The following FBXL7 variants were observed in gnomAD, a reference collection of about 807,000 sequenced individuals.
FBXL7 encodes the protein F-box and leucine rich repeat protein 7, also known as F-box/LRR-repeat protein 7.
FBXL7 carries 12 observed loss-of-function variants against 38.3 expected under a neutral mutation model. That is an observed-to-expected ratio of 0.31 (90% CI 0.20 to 0.51). The LOEUF is 0.51. Ranked by LOEUF, FBXL7 falls within the 20% of genes least tolerant of loss-of-function variation. FBXL7 has a pLI of 0.98. For missense variants in FBXL7, 567 were observed against 676.4 expected, an observed-to-expected ratio of 0.84 and a Z score of 1.79; for synonymous variants, 297 against 300.9, an observed-to-expected ratio of 0.99 and a Z score of 0.13.
At chr5:15,728,095 A>G (rs1184544065) in intron 2 of FBXL7, among the ~76,000 whole-genome samples, 1 of 151,892 alleles carries the variant, frequency 6.6e-6, no homozygotes, top group African/African-American at 2.4e-5. Flanking sequence ...CTTTGTTGAC[A>G]TTTTCATTTT....
At chr5:15,711,214 G>A (rs1259413761) in intron 2 of FBXL7, among the ~76,000 whole-genome samples, 1 of 152,138 alleles carries the variant, frequency 6.6e-6, no homozygotes, top group Non-Finnish European at 1.5e-5. Flanking sequence ...CGTGAGAATG[G>A]ACTTATAACA....
chr5:15,936,398 G>C lies in FBXL7; in HGVS notation c.740-52G>C. 1.6e-5 allele frequency: 25 copies of C among 1,573,092 alleles called. No individual in the cohort carries two copies. The highest frequency in any genetic ancestry group is 2.2e-5 in the Non-Finnish European group (25 of 1,160,016). ...AATGCCCCAGGGCATCCCCAGGCGT[G>C]GCTCCCCTGCTGGCAGGTTGCTCTG... On this transcript the variant is annotated intron_variant, in intron 3 of 3. Transcript: ENST00000504595. The surrounding 1 kb of genome is among the most constrained non-coding windows in gnomAD (Gnocchi z 6.0).
intron 1 of FBXL7, among the ~76,000 whole-genome samples, chr5:15,522,168 T>G (rs1737114757): frequency 1.3e-5 from 2 of 152,158 alleles, no homozygotes; most frequent in Admixed American, 6.5e-5. Context: ...ATTACTATTT[T>G]ATTATTCTTC....
chr5:15,589,025 CTTG>C (rs1393899330), intron 1 of FBXL7, among the ~76,000 whole-genome samples: 5 of 152,084 alleles, frequency 3.3e-5, no homozygotes, highest in African/African-American at 4.8e-5. Flanking sequence ...CAGATGATTT[CTTG>C]TTGTTGTAAC....
chr5:15,584,891 A>G (rs371438088), intron 1 of FBXL7, among the ~76,000 whole-genome samples: 1 of 152,196 alleles, frequency 6.6e-6, no homozygotes, highest in Admixed American at 6.5e-5. Flanking sequence ...GTAAGCAGGC[A>G]TGTCTTACAT....
intron 2 of FBXL7, among the ~76,000 whole-genome samples, chr5:15,829,963 A>G (rs1386920801): frequency 6.6e-6 from 1 of 152,216 alleles, no homozygotes; most frequent in Non-Finnish European, 1.5e-5. Flanking sequence ...AATCATTTAC[A>G]TCTTGAGACG....
At chr5:15,544,124 C>A (rs1051780441) in intron 1 of FBXL7, among the ~76,000 whole-genome samples, 1 of 152,162 alleles carries the variant, frequency 6.6e-6, no homozygotes, top group Non-Finnish European at 1.5e-5. Context: ...GGACACATTG[C>A]CGATGGGGTA....
intron 2 of FBXL7, among the ~76,000 whole-genome samples, chr5:15,892,257 T>G (rs1392373734): frequency 6.6e-6 from 1 of 152,182 alleles, no homozygotes; most frequent in Non-Finnish European, 1.5e-5. Flanking sequence ...AGGGGGTCCC[T>G]GTGAGCAAGA....
chr5:15,869,850 C>A (rs1479057550), intron 2 of FBXL7, among the ~76,000 whole-genome samples: 1 of 152,118 alleles, frequency 6.6e-6, no homozygotes, highest in Non-Finnish European at 1.5e-5. Flanking sequence ...TGGCTCACAC[C>A]TGTAATCCCA....
At chr5:15,690,383 G>A (rs949460977) in intron 2 of FBXL7, among the ~76,000 whole-genome samples, 9 of 151,640 alleles carry the variant, frequency 5.9e-5, no homozygotes, top group Admixed American at 2.0e-4. Context: ...CAGTCCTGAC[G>A]AAATATTTTT....
intron 1 of FBXL7, among the ~76,000 whole-genome samples, chr5:15,608,200 A>T (rs1205860608): frequency 6.6e-6 from 1 of 152,186 alleles, no homozygotes; most frequent in African/African-American, 2.4e-5. Flanking sequence ...TTAATAACTC[A>T]TAGTGTGGGT....
At chr5:15,715,755 T>A (rs1744024760) in intron 2 of FBXL7, among the ~76,000 whole-genome samples, 1 of 152,180 alleles carries the variant, frequency 6.6e-6, no homozygotes. Context: ...TCATTTATTG[T>A]CTTAATTTGT....
intron 3 of FBXL7, chr5:15,935,161 A>G (rs1194734288): frequency 3.7e-6 from 2 of 534,728 alleles, no homozygotes; most frequent in Non-Finnish European, 7.7e-6. Flanking sequence ...GAGGTAAAAG[A>G]TGCCGTCAGA....
intron 2 of FBXL7, among the ~76,000 whole-genome samples, chr5:15,897,128 ATC>A (rs1238397698): frequency 6.6e-6 from 1 of 152,096 alleles, no homozygotes; most frequent in Non-Finnish European, 1.5e-5. Flanking sequence ...GTGAGACTCT[ATC>A]TCTCTCTATA....
intron 2 of FBXL7, among the ~76,000 whole-genome samples, chr5:15,705,537 C>T (rs1347150904): frequency 1.3e-5 from 2 of 152,100 alleles, no homozygotes; most frequent in East Asian, 3.9e-4. Flanking sequence ...AGAGCAGTAA[C>T]AGTTTGGGAT....
chr5:15,756,203 T>C (rs1437251323), intron 2 of FBXL7, among the ~76,000 whole-genome samples: 2 of 152,194 alleles, frequency 1.3e-5, no homozygotes, highest in African/African-American at 4.8e-5. Context: ...GTCTAGATGG[T>C]GTTTTCAAAT....
At chr5:15,619,348 TAGAG>T (rs1740551756) in intron 2 of FBXL7, among the ~76,000 whole-genome samples, 1 of 152,172 alleles carries the variant, frequency 6.6e-6, no homozygotes, top group Non-Finnish European at 1.5e-5. Context: ...TTACACTTTT[TAGAG>T]AGACAATGCC....
intron 1 of FBXL7, among the ~76,000 whole-genome samples, chr5:15,571,854 G>T (rs1206762534): frequency 6.6e-6 from 1 of 152,108 alleles, no homozygotes; most frequent in African/African-American, 2.4e-5. Flanking sequence ...CAGATAAAGT[G>T]ACTGCGTGCA....
intron 2 of FBXL7, among the ~76,000 whole-genome samples, chr5:15,802,629 GCT>G (rs1273629902): frequency 1.3e-5 from 2 of 150,414 alleles, no homozygotes; most frequent in South Asian, 2.1e-4. Flanking sequence ...AACTAGCACT[GCT>G]CTCTCTCAGC....
Sources: gnomAD v4.1 joint callset for allele counts (sites outside exome capture counted in the v4.1 genomes callset) on GRCh38, gnomAD v4.1.1 for gene constraint, Gnocchi (gnomAD v3.1) non-coding constraint, MANE v1.5 for transcripts, NCBI Gene and HGNC (gene_info 2026-07-23, HGNC 2026-07-21) for gene names.